FRMD3: variants seen among roughly 807,000 people sequenced by gnomAD.
The protein encoded by FRMD3 is FERM domain-containing protein 3.
FRMD3 carries 33 observed loss-of-function variants against 70.2 expected under a neutral mutation model. That is an observed-to-expected ratio of 0.47 (90% CI 0.36 to 0.63). The LOEUF is 0.63. FRMD3 is among the 20% of genes least tolerant of loss of function. FRMD3 has a pLI of 0.00. For synonymous variants in FRMD3, 279 were observed against 255.9 expected (o/e 1.09, Z -0.86); for missense variants, 632 against 711.4 (o/e 0.89, Z 1.27).
intron 1 of FRMD3, among the ~76,000 whole-genome samples, chr9:83,507,873 A>ACATGAAC (rs1430236759): frequency 1.3e-5 from 2 of 151,216 alleles, no homozygotes; most frequent in African/African-American, 4.9e-5. Flanking sequence ...TATATTAAAT[A>ACATGAAC]CATGAACCAG....
At chr9:83,329,056 T>C (rs1415470171) in intron 6 of FRMD3, among the ~76,000 whole-genome samples, 1 of 152,172 alleles carries the variant, frequency 6.6e-6, no homozygotes, top group Non-Finnish European at 1.5e-5. Context: ...TCATCGTAGC[T>C]AGATTTCACC....
intron 1 of FRMD3, among the ~76,000 whole-genome samples, chr9:83,530,678 A>G (rs148279546): frequency 1.3e-5 from 2 of 152,342 alleles, no homozygotes; most frequent in Non-Finnish European, 2.9e-5. Context: ...AAGGCAAACA[A>G]TATCTTAGTA....
chr9:83,579,194 A>G, the FRMD3 span, among the ~76,000 whole-genome samples: 1 of 151,994 alleles, frequency 6.6e-6, no homozygotes, highest in South Asian at 2.1e-4. Context: ...TTCCATGTTC[A>G]TGAAGCTAAA....
At chr9:83,325,815 A>C (rs557431350) in intron 6 of FRMD3, among the ~76,000 whole-genome samples, 1 of 152,280 alleles carries the variant, frequency 6.6e-6, no homozygotes, top group South Asian at 2.1e-4. Flanking sequence ...CAGCCCTCAA[A>C]CTAAGAATGG....
At chr9:83,450,939 T>C (rs1338257079) in intron 1 of FRMD3, among the ~76,000 whole-genome samples, 1 of 152,182 alleles carries the variant, frequency 6.6e-6, no homozygotes, top group Non-Finnish European at 1.5e-5. Context: ...CTTTAATGAA[T>C]GTCCGTTTAA....
Position 83,357,235 on chromosome 9 carries a change from TA to T in FRMD3, c.296-7479del, listed in dbSNP as rs1824389072. Among the ~76,000 whole-genome samples, 17 of 13,342 alleles carry T rather than the reference TA, an allele frequency of 1.3e-3. 2 individuals are homozygous for T. The highest frequency in any genetic ancestry group is 5.6e-3 in the African/African-American group (15 of 2,676). The allele number at this position is 13,342 out of a possible 152,430, so 8.8% of individuals were successfully genotyped here. On this transcript the variant is annotated intron_variant, in intron 3 of 13. Transcript: ENST00000304195. Reference sequence around the variant, plus strand: ...ATGGAATATATATATTTTATATATATATAATACATACATATATATATATATA... The same window carrying T: ...ATGGAATATATATATTTTATATATATTAATACATACATATATATATATATA...
intron 13 of FRMD3, among the ~76,000 whole-genome samples, chr9:83,252,984 A>G (rs1832501641): frequency 6.6e-6 from 1 of 152,220 alleles, no homozygotes; most frequent in Non-Finnish European, 1.5e-5. Context: ...GAAAATTAAC[A>G]AAGATATTCA....
chr9:83,492,125 T>C (rs955403583), intron 1 of FRMD3, among the ~76,000 whole-genome samples: 3 of 152,216 alleles, frequency 2.0e-5, no homozygotes, highest in Non-Finnish European at 4.4e-5. Context: ...CAGGACCTTC[T>C]GTCATGCCAT....
chr9:83,279,487 T>C (rs1833898562), intron 13 of FRMD3: 1 of 152,114 alleles, frequency 6.6e-6, no homozygotes, highest in South Asian at 2.1e-4. Flanking sequence ...ATCATTCTAT[T>C]ATAAAGATAC....
chr9:83,336,742 C>T (rs1372031210), intron 5 of FRMD3, among the ~76,000 whole-genome samples: 1 of 148,234 alleles, frequency 6.7e-6, no homozygotes, highest in Non-Finnish European at 1.5e-5. Context: ...AAACTGAGTT[C>T]CCAGACATGA....
At chr9:83,505,860 A>T (rs149177152) in intron 1 of FRMD3, among the ~76,000 whole-genome samples, 2 of 152,266 alleles carry the variant, frequency 1.3e-5, no homozygotes, top group African/African-American at 4.8e-5. Flanking sequence ...GTCCTCCGTG[A>T]TCCCGGAGAT....
In FRMD3 at chr9:83,247,791, T is replaced by C. The variant is rs1832180062; in HGVS notation, c.*127A>G. The C allele has an allele frequency of 2.0e-6, 3 of 1,495,820 alleles. No homozygotes were observed. Among genetic ancestry groups the C allele is most frequent in the Middle Eastern group, 2.5e-4 (1 of 4,068 alleles). The allele number at this position is 1,495,820 out of a possible 1,614,324, so 92.7% of individuals were successfully genotyped here. Reference sequence around the variant, plus strand: ...GAATTATGGAAAGCTAACTTAAAGGTTTGAATAATCAATTATGAGTAAGGA... The same window carrying C: ...GAATTATGGAAAGCTAACTTAAAGGCTTGAATAATCAATTATGAGTAAGGA... On this transcript the variant is annotated 3_prime_UTR_variant, in exon 14 of 14. Transcript: ENST00000304195.
rs112914168 is a variant in FRMD3 at position 83,509,845 on chromosome 9, T to C, written c.147+28240A>G. On this transcript the variant is annotated intron_variant, in intron 1 of 13. Transcript: ENST00000304195. ...GGGCTGTAATCATTCTTTGAGAGCC[T>C]AGAAAAGATGGAAAACGCACATTCT... Among the ~76,000 whole-genome samples the C allele has an allele frequency of 3.9e-5, 6 of 152,128 alleles. 1 individual carries two copies. The highest frequency in any genetic ancestry group is 1.4e-4 in the African/African-American group (6 of 41,508).
intron 4 of FRMD3, among the ~76,000 whole-genome samples, chr9:83,344,393 G>A (rs1403264076): frequency 6.6e-6 from 1 of 152,132 alleles, no homozygotes; most frequent in African/African-American, 2.4e-5. Flanking sequence ...TTGAGCCATG[G>A]GATACCCAGA....
At chr9:83,514,883 G>C (rs1319284586) in intron 1 of FRMD3, among the ~76,000 whole-genome samples, 1 of 152,204 alleles carries the variant, frequency 6.6e-6, no homozygotes, top group Non-Finnish European at 1.5e-5. Context: ...ATGACTGTTA[G>C]AAGGAAAACT....
intron 1 of FRMD3, among the ~76,000 whole-genome samples, chr9:83,422,067 A>G (rs958610842): frequency 2.0e-5 from 3 of 152,174 alleles, no homozygotes; most frequent in Non-Finnish European, 4.4e-5. Context: ...TCGACTAAAA[A>G]TACAAAATTT....
chr9:83,304,922 G>A (rs935656764), intron 10 of FRMD3, among the ~76,000 whole-genome samples: 5 of 152,154 alleles, frequency 3.3e-5, no homozygotes, highest in African/African-American at 1.2e-4. Context: ...CTGCGTCTGG[G>A]CTCCATTCCC....
At chr9:83,272,789 G>A (rs1455749177) in intron 13 of FRMD3, among the ~76,000 whole-genome samples, 9 of 149,444 alleles carry the variant, frequency 6.0e-5, no homozygotes, top group East Asian at 4.1e-4. Flanking sequence ...CCTCTGCCCC[G>A]CCGCCCCGTC....
At chr9:83,439,154 C>T (rs1483095364) in intron 1 of FRMD3, among the ~76,000 whole-genome samples, 7 of 152,198 alleles carry the variant, frequency 4.6e-5, no homozygotes, top group Admixed American at 1.3e-4. Context: ...ATTTATCTTT[C>T]GCTTAACACT....
Sources: allele counts gnomAD v4.1 joint callset (sites outside exome capture counted in the v4.1 genomes callset), GRCh38; gene constraint gnomAD v4.1.1; transcripts MANE v1.5; gene names NCBI Gene and HGNC (gene_info 2026-07-23, HGNC 2026-07-21).